The following CFAP210 variants were observed in gnomAD, a reference collection of about 807,000 sequenced individuals.
CFAP210 encodes cilia and flagella associated protein 210, also known as cilia- and flagella- associated protein 210.
At chr2:169,680,998 A>ACAC in the CFAP210 span, 1 of 1,609,852 alleles carries the variant, frequency 6.2e-7, no homozygotes, top group Non-Finnish European at 8.5e-7. Flanking sequence ...CTGGATGGTT[A>ACAC]ATACTTACTG....
At chr2:169,645,660 T>TA in the CFAP210 span, 1 of 559,524 alleles carries the variant, frequency 1.8e-6, no homozygotes, top group Middle Eastern at 4.7e-4. Context: ...TTACCACAGT[T>TA]AAAAAAAGGA....
At chr2:169,676,272 A>G in the CFAP210 span, among the ~76,000 whole-genome samples, 2 of 151,898 alleles carry the variant, frequency 1.3e-5, no homozygotes. Context: ...CTATGGGTTT[A>G]TAGACAGTCT....
At chr2:169,672,904 C>T in the CFAP210 span, among the ~76,000 whole-genome samples, 23 of 152,318 alleles carry the variant, frequency 1.5e-4, no homozygotes, top group Non-Finnish European at 2.8e-4. Context: ...AACATCCTCC[C>T]TCTCCTAATT....
At chr2:169,647,037 T>G in the CFAP210 span, among the ~76,000 whole-genome samples, 1 of 152,164 alleles carries the variant, frequency 6.6e-6, no homozygotes, top group Admixed American at 6.5e-5. Context: ...TTTAAATTTT[T>G]GATGGAATAG....
At chr2:169,654,184 CT>C in the CFAP210 span, 1 of 1,591,946 alleles carries the variant, frequency 6.3e-7, no homozygotes, top group Non-Finnish European at 8.6e-7. Flanking sequence ...TGTTCTACAG[CT>C]TTGATAATAT....
chr2:169,652,744 C>T, the CFAP210 span, among the ~76,000 whole-genome samples: 1 of 151,452 alleles, frequency 6.6e-6, no homozygotes, highest in African/African-American at 2.4e-5. Flanking sequence ...GCCTGTAATC[C>T]CAGCACTTTG....
chr2:169,646,104 C>T, the CFAP210 span: 1 of 1,613,958 alleles, frequency 6.2e-7, no homozygotes, highest in Non-Finnish European at 8.5e-7. Context: ...TTCTCCTTTT[C>T]AGCCACAAGA....
chr2:169,651,378 G>A, the CFAP210 span, among the ~76,000 whole-genome samples: 1 of 151,856 alleles, frequency 6.6e-6, no homozygotes, highest in Non-Finnish European at 1.5e-5. Context: ...GTGACAGAGT[G>A]AGACTCTATT....
the CFAP210 span, among the ~76,000 whole-genome samples, chr2:169,669,856 A>G: frequency 6.6e-6 from 1 of 152,004 alleles, no homozygotes; most frequent in Non-Finnish European, 1.5e-5. Flanking sequence ...AGATACTATG[A>G]GACATTGAAA....
chr2:169,662,183 T>C, the CFAP210 span: 1 of 1,291,534 alleles, frequency 7.7e-7, no homozygotes, highest in South Asian at 1.3e-5. Context: ...AAATACCACA[T>C]GTACTCCATA....
chr2:169,692,456 A>G, the CFAP210 span, among the ~76,000 whole-genome samples: 5 of 150,560 alleles, frequency 3.3e-5, no homozygotes, highest in Admixed American at 6.6e-5. Flanking sequence ...ACACACACAC[A>G]CACACACACA....
At chr2:169,672,956 T>TG in the CFAP210 span, among the ~76,000 whole-genome samples, 1 of 152,178 alleles carries the variant, frequency 6.6e-6, no homozygotes, top group Non-Finnish European at 1.5e-5. Context: ...TCTATACCAC[T>TG]GGTCTTACCC....
chr2:169,649,606 A>C, the CFAP210 span, among the ~76,000 whole-genome samples: 10 of 152,158 alleles, frequency 6.6e-5, no homozygotes, highest in South Asian at 2.1e-4. Context: ...AGATCTTCTC[A>C]AGGAAGGGAA....
chr2:169,645,666 A>G, the CFAP210 span: 1 of 565,392 alleles, frequency 1.8e-6, no homozygotes, highest in East Asian at 2.9e-5. Flanking sequence ...CAGTTAAAAA[A>G]AGGAATCTCA....
the CFAP210 span, among the ~76,000 whole-genome samples, chr2:169,656,410 G>GAGGAGGAGGAGGATGAATTAT: frequency 1.3e-5 from 2 of 151,314 alleles, no homozygotes; most frequent in African/African-American, 4.9e-5. Context: ...GGATGAAGTA[G>GAGGAGGAGGAGGATGAATTAT]AGAAGGAGGA....
the CFAP210 span, among the ~76,000 whole-genome samples, chr2:169,669,500 A>C: frequency 6.6e-6 from 1 of 152,238 alleles, no homozygotes; most frequent in Non-Finnish European, 1.5e-5. Context: ...AGGCCAATTA[A>C]GAGACTGATA....
chr2:169,661,919 GAC>G, the CFAP210 span, among the ~76,000 whole-genome samples: 1 of 152,198 alleles, frequency 6.6e-6, no homozygotes, highest in Non-Finnish European at 1.5e-5. Flanking sequence ...GGACTAGAAT[GAC>G]AGTTATTCTA....
the CFAP210 span, among the ~76,000 whole-genome samples, chr2:169,677,921 A>G: frequency 5.3e-5 from 8 of 152,254 alleles, no homozygotes; most frequent in Non-Finnish European, 1.0e-4. Context: ...AAAGCTAACA[A>G]TAGCAGATTG....
At chr2:169,659,484 G>C in the CFAP210 span, among the ~76,000 whole-genome samples, 1 of 152,104 alleles carries the variant, frequency 6.6e-6, no homozygotes, top group Non-Finnish European at 1.5e-5. Context: ...AGTGTGAAGG[G>C]GGAAGTGCTA....
Sources: gnomAD v4.1 joint callset for allele counts (sites outside exome capture counted in the v4.1 genomes callset) on GRCh38, gnomAD v4.1.1 for gene constraint, MANE v1.5 for transcripts, NCBI Gene and HGNC (gene_info 2026-07-23, HGNC 2026-07-21) for gene names.